Variants in SNX29 observed in about 807,000 individuals in gnomAD.
SNX29 encodes the protein sorting nexin 29, also known as sorting nexin-29.
A neutral mutation model predicts 102.1 loss-of-function variants in SNX29; 78 were observed. The observed-to-expected ratio is 0.76, with a 90% confidence interval of 0.64 to 0.92. SNX29 has a LOEUF of 0.92. Ranked by LOEUF, SNX29 falls within the 40% of genes least tolerant of loss-of-function variation. SNX29 has a pLI of 0.00. For synonymous variants in SNX29, 580 were observed against 414.5 expected (o/e 1.40, Z -4.85); for missense variants, 1,280 against 1,061.7 (o/e 1.21, Z -2.86).
At chr16:12,479,519 C>G (rs1346069433) in intron 19 of SNX29, among the ~76,000 whole-genome samples, 2 of 152,202 alleles carry the variant, frequency 1.3e-5, no homozygotes, top group East Asian at 3.8e-4. Flanking sequence ...GCCCAGAATA[C>G]ATTTGTCCTT....
chr16:12,552,601 G>T (rs748780949), intron 20 of SNX29, among the ~76,000 whole-genome samples: 61 of 152,150 alleles, frequency 4.0e-4, no homozygotes, highest in Non-Finnish European at 2.1e-4. Context: ...TATTCTCATG[G>T]GGATGACTAA....
chr16:12,458,585 T>C (rs1221343213), intron 18 of SNX29, among the ~76,000 whole-genome samples: 1 of 152,230 alleles, frequency 6.6e-6, no homozygotes, highest in African/African-American at 2.4e-5. Flanking sequence ...ATTTATACTC[T>C]TGGTGTTGGC....
chr16:12,293,780 G>T (rs930790702), intron 15 of SNX29, among the ~76,000 whole-genome samples: 1 of 152,166 alleles, frequency 6.6e-6, no homozygotes. Flanking sequence ...GAGCCATTCT[G>T]TTCTTTTGGA....
At chr16:12,286,555 C>CAGGAT (rs1408005184) in intron 15 of SNX29, among the ~76,000 whole-genome samples, 2 of 151,670 alleles carry the variant, frequency 1.3e-5, no homozygotes, top group East Asian at 3.9e-4. Flanking sequence ...CCGTGTAAGC[C>CAGGAT]AGGATGGTCT....
chr16:12,004,925 C>T (rs2056405545), intron 3 of SNX29, among the ~76,000 whole-genome samples: 1 of 152,182 alleles, frequency 6.6e-6, no homozygotes, highest in African/African-American at 2.4e-5. Flanking sequence ...TCTGTGCAGG[C>T]AGGGATGATT....
intron 4 of SNX29, among the ~76,000 whole-genome samples, chr16:12,042,258 T>G (rs28513084): frequency 6.6e-6 from 1 of 152,190 alleles, no homozygotes; most frequent in East Asian, 1.9e-4. Context: ...CTTGAACTCC[T>G]AGCCTCAAGT....
chr16:12,212,943 A>C (rs1233086848), intron 14 of SNX29, among the ~76,000 whole-genome samples: 3 of 152,116 alleles, frequency 2.0e-5, no homozygotes, highest in African/African-American at 7.2e-5. Context: ...GTGAAACCCC[A>C]TCTCTACTAA....
chr16:12,198,108 A>G (rs2141955717), intron 13 of SNX29, among the ~76,000 whole-genome samples: 1 of 152,298 alleles, frequency 6.6e-6, no homozygotes, highest in Admixed American at 6.5e-5. Context: ...AGAAACATTT[A>G]TACTATCCTG....
intron 20 of SNX29, among the ~76,000 whole-genome samples, chr16:12,539,399 G>A (rs551533371): frequency 6.6e-6 from 1 of 152,142 alleles, no homozygotes; most frequent in African/African-American, 2.4e-5. Context: ...GCATGTGTGA[G>A]AACCGTCAAG....
intron 18 of SNX29, among the ~76,000 whole-genome samples, chr16:12,441,491 A>G (rs1314611828): frequency 6.6e-6 from 1 of 152,074 alleles, no homozygotes. Flanking sequence ...TTCCCCATTT[A>G]TGGCTGTTAC....
intron 15 of SNX29, among the ~76,000 whole-genome samples, chr16:12,306,509 C>T (rs1323671450): frequency 5.3e-5 from 8 of 152,154 alleles, no homozygotes; most frequent in South Asian, 2.1e-4. Context: ...GGAGAATTAG[C>T]GTATTACAGA....
In SNX29 at chr16:12,403,499, C is replaced by A; in HGVS notation, c.2007C>A (p.Gly669=). Residue 669 remains glycine, a synonymous_variant, in exon 18 of 21, where the codon GGC becomes GGA. Transcript: ENST00000566228. ...GGATCCCCTCAGTGTTTCTCCGGGG[C>A]AAAGCAGCAAATGCATTCCACGTGT... ...NVWIPSVFLR[G]KAANAFHVYQ... 2 of 1,608,254 alleles carry A rather than the reference C, an allele frequency of 1.2e-6. No homozygotes were observed. Among genetic ancestry groups the A allele is most frequent in the Non-Finnish European group, 1.7e-6 (2 of 1,177,392 alleles).
At chr16:12,240,247 C>A (rs554747088) in intron 14 of SNX29, among the ~76,000 whole-genome samples, 4 of 152,300 alleles carry the variant, frequency 2.6e-5, no homozygotes, top group African/African-American at 9.6e-5. Flanking sequence ...AAGAGAATTG[C>A]TGGGCCCTTT....
At chr16:12,491,029 T>C (rs74009103) in intron 19 of SNX29, among the ~76,000 whole-genome samples, 8,251 of 152,320 alleles carry the variant, frequency 0.054, 560 homozygotes, top group African/African-American at 0.16. Context: ...TTATGTAGCC[T>C]TTCACAACTG....
intron 20 of SNX29, among the ~76,000 whole-genome samples, chr16:12,526,031 C>T (rs935250212): frequency 3.9e-5 from 6 of 152,122 alleles, no homozygotes; most frequent in African/African-American, 1.4e-4. Flanking sequence ...TCAGATGCTA[C>T]AGAATGTAAT....
intron 20 of SNX29, among the ~76,000 whole-genome samples, chr16:12,548,414 G>A (rs1026636775): frequency 1.3e-5 from 2 of 152,184 alleles, no homozygotes; most frequent in Admixed American, 6.5e-5. Flanking sequence ...ACCTACCTCT[G>A]GCTCCCCACT....
chr16:12,068,391 G>T (rs1246562050), intron 9 of SNX29, among the ~76,000 whole-genome samples: 6 of 151,728 alleles, frequency 4.0e-5, no homozygotes, highest in African/African-American at 1.2e-4. Flanking sequence ...GAGAGGCTGA[G>T]GTGGGAGGAC....
At chr16:12,338,875 A>G (rs1281745059) in intron 15 of SNX29, among the ~76,000 whole-genome samples, 2 of 152,234 alleles carry the variant, frequency 1.3e-5, no homozygotes, top group African/African-American at 4.8e-5. Context: ...TTAACAACAT[A>G]TGGCCCAAAA....
chr16:12,436,274 A>G (rs1419788513), intron 18 of SNX29, among the ~76,000 whole-genome samples: 1 of 152,100 alleles, frequency 6.6e-6, no homozygotes, highest in East Asian at 1.9e-4. Context: ...TCTCCACAGG[A>G]GGCCGCAGCT....
Sources: allele counts gnomAD v4.1 joint callset (sites outside exome capture counted in the v4.1 genomes callset), GRCh38; gene constraint gnomAD v4.1.1; transcripts MANE v1.5; gene names NCBI Gene and HGNC (gene_info 2026-07-23, HGNC 2026-07-21).